ATP9B: variants seen among roughly 807,000 people sequenced by gnomAD.
ATP9B encodes the protein probable phospholipid-transporting ATPase IIB.
A neutral mutation model predicts 146.1 loss-of-function variants in ATP9B; 110 were observed. That is an observed-to-expected ratio of 0.75 (90% CI 0.65 to 0.88). The LOEUF (loss-of-function observed/expected upper bound fraction) is 0.88. ATP9B is among the 40% of genes least tolerant of loss of function. ATP9B has a pLI of 0.00. For synonymous variants in ATP9B, 604 were observed against 569.7 expected (o/e 1.06, Z -0.86); for missense variants, 1,499 against 1,496.4 (o/e 1.00, Z -0.03).
chr18:79,177,620 C>T (rs1047722728), intron 8 of ATP9B, among the ~76,000 whole-genome samples: 7 of 152,218 alleles, frequency 4.6e-5, no homozygotes, highest in Non-Finnish European at 7.3e-5. Context: ...TTAAAAAGTA[C>T]ATACATGCTC....
At chr18:79,081,307 G>C (rs2073236051) in intron 1 of ATP9B, among the ~76,000 whole-genome samples, 1 of 152,014 alleles carries the variant, frequency 6.6e-6, no homozygotes, top group Admixed American at 6.6e-5. Flanking sequence ...ACTTGTTATT[G>C]GTCTATTCAG....
Position 79,307,338 on chromosome 18 carries a change from T to C in ATP9B, c.1773+104T>C, listed in dbSNP as rs111642865. The C allele has an allele frequency of 4.2e-3, 6,365 of 1,509,010 alleles. 31 individuals are homozygous for C. Among genetic ancestry groups the C allele is most frequent in the African/African-American group, 0.024 (1,727 of 72,172 alleles). 93.5% of individuals were successfully genotyped at this position (1,509,010 alleles called of 1,614,324 possible). On this transcript the variant is annotated intron_variant, in intron 15 of 29. Transcript: ENST00000426216. ...ATGGGGAATATAGAGGAGCAGTTTATCGTAGCTTTAATGTATGTTTTAGCT... is the reference window on the plus strand; with the variant it reads ...ATGGGGAATATAGAGGAGCAGTTTACCGTAGCTTTAATGTATGTTTTAGCT...
At chr18:79,118,862 G>C (rs2094140349) in intron 4 of ATP9B, among the ~76,000 whole-genome samples, 2 of 151,966 alleles carry the variant, frequency 1.3e-5, no homozygotes, top group Admixed American at 1.3e-4. Flanking sequence ...TTGAGTTCAG[G>C]AGTTCAAGAC....
At chr18:79,133,963 G>A (rs1051900072) in intron 5 of ATP9B, among the ~76,000 whole-genome samples, 4 of 152,192 alleles carry the variant, frequency 2.6e-5, no homozygotes, top group African/African-American at 4.8e-5. Flanking sequence ...TGCTGATACT[G>A]CTCCATCTTT....
chr18:79,160,729 T>C (rs574585214), intron 7 of ATP9B, among the ~76,000 whole-genome samples: 1 of 152,258 alleles, frequency 6.6e-6, no homozygotes, highest in East Asian at 1.9e-4. Context: ...ATTATATGAC[T>C]ATTAGCAATT....
intron 26 of ATP9B, among the ~76,000 whole-genome samples, chr18:79,368,965 C>T (rs558791281): frequency 7.0e-6 from 1 of 143,620 alleles, no homozygotes; most frequent in East Asian, 2.3e-4. Context: ...CTCTCCCCGG[C>T]GCCACCGTGA....
intron 10 of ATP9B, 101 bp downstream of exon 10, chr18:79,207,113 T>C (rs1228787336): frequency 2.6e-6 from 3 of 1,144,212 alleles, no homozygotes; most frequent in Non-Finnish European, 3.9e-6. Flanking sequence ...TGCCCTGAAA[T>C]ATTTAGGGAC....
At chr18:79,123,781 A>G (rs2094231016) in intron 4 of ATP9B, among the ~76,000 whole-genome samples, 1 of 152,192 alleles carries the variant, frequency 6.6e-6, no homozygotes, top group African/African-American at 2.4e-5. Context: ...TAACACATTG[A>G]TTTTCAACTC....
chr18:79,336,888 C>A (rs975480902), intron 18 of ATP9B, among the ~76,000 whole-genome samples, 177 bp downstream of exon 18: 7 of 152,250 alleles, frequency 4.6e-5, no homozygotes, highest in African/African-American at 1.7e-4. Flanking sequence ...TCCACCATTT[C>A]TCCAGCTTGC....
intron 12 of ATP9B, chr18:79,253,759 T>C: frequency 2.3e-6 from 1 of 433,172 alleles, no homozygotes; most frequent in South Asian, 5.4e-5. Context: ...ACTTTCCTGA[T>C]AGTGAATGTG....
intron 7 of ATP9B, among the ~76,000 whole-genome samples, chr18:79,156,316 T>C (rs1476856383): frequency 6.6e-6 from 1 of 152,208 alleles, no homozygotes; most frequent in African/African-American, 2.4e-5. Context: ...GCTGGTCCCA[T>C]GTCACTGAAC....
At chr18:79,151,441 C>T (rs541373199) in intron 6 of ATP9B, among the ~76,000 whole-genome samples, 95 of 152,202 alleles carry the variant, frequency 6.2e-4, no homozygotes, top group Middle Eastern at 3.4e-3. Context: ...GTTTTCCTGT[C>T]GATGGGTTTT....
intron 11 of ATP9B, among the ~76,000 whole-genome samples, chr18:79,218,879 C>T (rs2095653184): frequency 6.6e-6 from 1 of 152,172 alleles, no homozygotes; most frequent in Admixed American, 6.5e-5. Context: ...AGCTCGTGTG[C>T]AGAAGGAGGG....
At position 79,075,100 on chromosome 18, in the gene ATP9B, G is replaced by C. The variant is rs1399496058; in HGVS notation, c.119+5571G>C. ...TTTAGAGTTTTTTTTTTTTTGAGAC[G>C]GAGTCTCACTCTGTCCCCCAGGCTG... is the stretch of plus-strand genomic sequence containing the variant. On this transcript the variant is annotated intron_variant, in intron 1 of 29. Coordinates refer to ENST00000426216, the MANE Select transcript of ATP9B (RefSeq NM_198531.5). Among the ~76,000 whole-genome samples, 3 of 147,842 alleles carry C rather than the reference G, an allele frequency of 2.0e-5. No homozygotes were observed. In the East Asian group the frequency reaches 5.9e-4, roughly 29 times the overall value.
chr18:79,239,905 G>T lies in ATP9B; in HGVS notation c.1108-13476G>T, dbSNP rs923248434. 6.6e-6 allele frequency among the ~76,000 whole-genome samples: 1 copy of T among 152,180 alleles called. No individual in the cohort carries two copies. The highest frequency in any genetic ancestry group is 1.5e-5 in the Non-Finnish European group (1 of 68,044). On this transcript the variant is annotated intron_variant, in intron 11 of 29. Transcript: ENST00000426216. The surrounding 1 kb of genome is among the most constrained non-coding windows in gnomAD (Gnocchi z 5.1). ...GGCTAAGCGTTCCCAAAGGATGAGC[G>T]GAGAGGCTTGCTCTGCCTGCGTCCC...
intron 11 of ATP9B, among the ~76,000 whole-genome samples, chr18:79,219,150 G>A (rs1233997978): frequency 6.6e-6 from 1 of 152,158 alleles, no homozygotes; most frequent in African/African-American, 2.4e-5. Flanking sequence ...TTAGCAACGA[G>A]GAAATCTTGG....
In ATP9B at chr18:79,118,384, G is replaced by GTTTTTTTTTTTTTTTTTTTT. The variant is rs1304879263; in HGVS notation, c.558+5035_558+5036insTTTTTTTTTTTTTTTTTTTT. On this transcript the variant is annotated intron_variant, in intron 4 of 29. Coordinates refer to ENST00000426216, the MANE Select transcript of ATP9B (RefSeq NM_198531.5). ...ATTTTAAAACACAATCATATTGAAC[G>GTTTTTTTTTTTTTTTTTTTT]TTTTTGTTTTTTTTTTTTTTTTTTT... is the stretch of plus-strand genomic sequence containing the variant. 1.1e-4 allele frequency among the ~76,000 whole-genome samples: 8 copies of GTTTTTTTTTTTTTTTTTTTT among 73,490 alleles called. 2 individuals carry two copies. Among genetic ancestry groups the GTTTTTTTTTTTTTTTTTTTT allele is most frequent in the African/African-American group, 3.2e-4 (6 of 18,676 alleles). 48.2% of individuals were successfully genotyped at this position (73,490 alleles called of 152,430 possible).
chr18:79,090,549 C>T (rs1482891692), intron 1 of ATP9B, among the ~76,000 whole-genome samples: 2 of 152,106 alleles, frequency 1.3e-5, no homozygotes, highest in African/African-American at 2.4e-5. Context: ...TTTTCATATG[C>T]GTGTTTGTGA....
intron 9 of ATP9B, among the ~76,000 whole-genome samples, chr18:79,200,553 A>G (rs2095459653): frequency 6.6e-6 from 1 of 152,250 alleles, no homozygotes; most frequent in African/African-American, 2.4e-5. Context: ...TATGCCAGAA[A>G]AAAGCTTAGG....
Sources: gnomAD v4.1 joint callset for allele counts (sites outside exome capture counted in the v4.1 genomes callset) on GRCh38, gnomAD v4.1.1 for gene constraint, Gnocchi (gnomAD v3.1) non-coding constraint, MANE v1.5 for transcripts, NCBI Gene and HGNC (gene_info 2026-07-23, HGNC 2026-07-21) for gene names.